Variants in PCDHGA2 observed in about 807,000 individuals in gnomAD.
PCDHGA2 encodes protocadherin gamma-A2.
A neutral mutation model predicts 59.2 loss-of-function variants in PCDHGA2; 40 were observed. That is an observed-to-expected ratio of 0.68 (90% confidence interval 0.52 to 0.88). The LOEUF (loss-of-function observed/expected upper bound fraction) is 0.88, where lower values mean the gene tolerates loss of function less well. PCDHGA2 is among the 40% of genes least tolerant of loss of function. The probability of loss-of-function intolerance (pLI) is 0.00; values close to 1 mark genes in which losing one functional copy is unlikely to be tolerated. For missense variants in PCDHGA2, 1,226 were observed against 1,204.0 expected, an observed-to-expected ratio of 1.02 and a Z score of -0.27; for synonymous variants, 560 against 526.0, an observed-to-expected ratio of 1.06 and a Z score of -0.89.
intron 3 of PCDHGA2, among the ~76,000 whole-genome samples, chr5:141,506,799 A>G (rs1026030023): frequency 5.3e-5 from 8 of 152,198 alleles, no homozygotes; most frequent in Admixed American, 3.9e-4. Flanking sequence ...CTGGCAGAGG[A>G]TCAAGGCATT....
chr5:141,360,321 A>C lies in PCDHGA2; in HGVS notation c.2424+18926A>C, dbSNP rs777240773. 6 of 1,614,004 alleles carry C rather than the reference A, an allele frequency of 3.7e-6. No individual in the cohort carries two copies. In the Admixed American group the frequency reaches 8.3e-5, roughly 22 times the overall value. On this transcript the variant is annotated intron_variant, in intron 1 of 3. Coordinates refer to ENST00000394576, the MANE Select transcript of PCDHGA2 (RefSeq NM_018915.4). ...TGGGGCTCAGCGTCCGGGACTTGCC[A>C]GCCCGGAAGCTGCGGGTTAGCGCGG...
At chr5:141,377,627 T>A (rs893549240) in intron 1 of PCDHGA2, 5 of 152,084 alleles carry the variant, frequency 3.3e-5, no homozygotes, top group African/African-American at 9.7e-5. Context: ...AAGATTTTGT[T>A]TTTTCTCAGT....
At chr5:141,454,283 T>G (rs2098785864) in intron 1 of PCDHGA2, among the ~76,000 whole-genome samples, 1 of 152,134 alleles carries the variant, frequency 6.6e-6, no homozygotes, top group Non-Finnish European at 1.5e-5. Flanking sequence ...AACTTCACAT[T>G]AAAGGAACTC....
intron 1 of PCDHGA2, chr5:141,419,707 C>T (rs781629810): frequency 4.6e-5 from 74 of 1,613,062 alleles, no homozygotes; most frequent in Middle Eastern, 1.7e-4. Flanking sequence ...AGCCCGGGCT[C>T]TTCAGCCTGG....
rs186288044 is a variant in PCDHGA2, at chr5:141,433,652, A to G, written c.2425-61155A>G. On this transcript the variant is annotated intron_variant, in intron 1 of 3. Transcript: ENST00000394576. ...GGAGTTTGAGACCAGCCTGACCAAC[A>G]TGGAGAAACCCCGTCTATACTAAAA... is the stretch of plus-strand genomic sequence containing the variant. 1.0e-2 allele frequency among the ~76,000 whole-genome samples: 1,520 copies of G among 152,208 alleles called. 33 individuals are homozygous for G. The highest frequency in any genetic ancestry group is 0.034 in the African/African-American group (1,423 of 41,538).
Position 141,362,248 on chromosome 5 carries a change from C to T in PCDHGA2, c.2424+20853C>T, listed in dbSNP as rs1019484860. ...GGCCTTGATCTCAGTGCTCTTCTTC[C>T]TCGCGGTGATTCTGGCAATCTCCCT... On this transcript the variant is annotated intron_variant, in intron 1 of 3. Transcript: ENST00000394576. 6.8e-6 allele frequency: 11 copies of T among 1,613,922 alleles called. No homozygotes were observed. The Admixed American group carries it at 1.3e-4, about 20-fold the overall frequency.
chr5:141,370,506 C>T (rs1435099354), intron 1 of PCDHGA2: 1 of 1,613,912 alleles, frequency 6.2e-7, no homozygotes, highest in South Asian at 1.1e-5. Context: ...CTACGCTATT[C>T]CCGAGGAGCT....
At chr5:141,366,718 G>A (rs772444465) in intron 1 of PCDHGA2, 26 of 1,613,638 alleles carry the variant, frequency 1.6e-5, no homozygotes, top group Admixed American at 3.3e-5. Context: ...TGTCTGATAA[G>A]GTAGATGCAA....
chr5:141,422,166 T>G (rs370704205), intron 1 of PCDHGA2: 30 of 1,569,256 alleles, frequency 1.9e-5, no homozygotes, highest in Non-Finnish European at 2.5e-5. Flanking sequence ...TTGAAAAATA[T>G]AGATTCTATG....
chr5:141,460,467 AG>A (rs1303418429), intron 1 of PCDHGA2, among the ~76,000 whole-genome samples: 1 of 152,114 alleles, frequency 6.6e-6, no homozygotes, highest in African/African-American at 2.4e-5. Flanking sequence ...TTTTTTCCAA[AG>A]GAATATCCAA....
chr5:141,340,974 T>A lies in PCDHGA2; in HGVS notation c.2003T>A (p.Ile668Asn). Reference sequence around the variant, plus strand: ...CTCACCGTGGCCGTGGCCGACAGGATCCCCGACATCCTGGCCGACCTGGGC... The same window carrying A: ...CTCACCGTGGCCGTGGCCGACAGGAACCCCGACATCCTGGCCGACCTGGGC... Reference protein sequence around the residue: ...VTLTVAVADRIPDILADLGSL... With the variant: ...VTLTVAVADRNPDILADLGSL... Residue 668 changes from isoleucine (I) to asparagine (N), a missense_variant, in exon 1 of 4, where the codon ATC becomes AAC. Ile to Asn is a moderately radical substitution (Grantham distance 149). Coordinates refer to ENST00000394576, the MANE Select transcript of PCDHGA2 (RefSeq NM_018915.4). The A allele has an allele frequency of 2.5e-6, 4 of 1,613,762 alleles. No homozygotes were observed. In the South Asian group the frequency reaches 3.3e-5, roughly 13 times the overall value.
chr5:141,379,418 GA>G (rs1208942827), intron 1 of PCDHGA2: 1 of 152,186 alleles, frequency 6.6e-6, no homozygotes, highest in African/African-American at 2.4e-5. Context: ...TTAGTCTCAT[GA>G]GTTAGATGGG....
At chr5:141,345,020 A>C (rs1047192133) in intron 1 of PCDHGA2, 2 of 1,613,994 alleles carry the variant, frequency 1.2e-6, no homozygotes, top group Admixed American at 3.3e-5. Flanking sequence ...GTCTTCTTTC[A>C]AGAGCCAAGA....
rs568314069 is a variant in PCDHGA2 at position 141,486,371 on chromosome 5, G to C, written c.2425-8436G>C. 53 of 1,614,138 alleles carry C rather than the reference G, an allele frequency of 3.3e-5. 2 individuals are homozygous for C. The South Asian group carries it at 5.3e-4, about 16-fold the overall frequency. Reference sequence around the variant, plus strand: ...CCACTTGCCATTTGCCCTCAAGTCTGCCTTCAGGAACCAGTTCTCCCTGGT... The same window carrying C: ...CCACTTGCCATTTGCCCTCAAGTCTCCCTTCAGGAACCAGTTCTCCCTGGT... On this transcript the variant is annotated intron_variant, in intron 1 of 3. Transcript: ENST00000394576. The surrounding 1 kb of genome is among the most constrained non-coding windows in gnomAD (Gnocchi z 5.0).
At chr5:141,465,730 T>G (rs1373873081) in intron 1 of PCDHGA2, among the ~76,000 whole-genome samples, 2 of 152,186 alleles carry the variant, frequency 1.3e-5, no homozygotes, top group Non-Finnish European at 2.9e-5. Context: ...CCTCTTGTGC[T>G]TTGTTTTCAG....
Position 141,489,646 on chromosome 5 carries a change from C to G in PCDHGA2, c.2425-5161C>G, listed in dbSNP as rs1274955075. The G allele has an allele frequency of 1.2e-6, 2 of 1,614,186 alleles. No individual in the cohort carries two copies. Among genetic ancestry groups the G allele is most frequent in the Non-Finnish European group, 1.7e-6 (2 of 1,180,022 alleles). ...TGACAACTCTCCTAGCTTTGCCACC[C>G]CTGAGCGAGAGATGCGCATCTCAGA... On this transcript the variant is annotated intron_variant, in intron 1 of 3. Coordinates refer to ENST00000394576, the MANE Select transcript of PCDHGA2 (RefSeq NM_018915.4). The surrounding 1 kb of genome is among the most constrained non-coding windows in gnomAD (Gnocchi z 4.5).
chr5:141,398,888 A>G (rs2093720509), intron 1 of PCDHGA2: 2 of 1,613,968 alleles, frequency 1.2e-6, no homozygotes, highest in East Asian at 4.5e-5. Context: ...CTTCGGGAAA[A>G]CGTGCCACCA....
chr5:141,403,358 G>A (rs1031210052), intron 1 of PCDHGA2: 1 of 1,614,026 alleles, frequency 6.2e-7, no homozygotes. Flanking sequence ...GTTCCAGGCC[G>A]AAAGTCTGGA....
At chr5:141,374,195 G>A in intron 1 of PCDHGA2, 1 of 1,613,870 alleles carries the variant, frequency 6.2e-7, no homozygotes, top group Non-Finnish European at 8.5e-7. Context: ...TATTCCCGAG[G>A]AGCTGGAGAA....
Sources: gnomAD v4.1 joint callset for allele counts (sites outside exome capture counted in the v4.1 genomes callset) on GRCh38, gnomAD v4.1.1 for gene constraint, Gnocchi (gnomAD v3.1) non-coding constraint, MANE v1.5 for transcripts, NCBI Gene and HGNC (gene_info 2026-07-23, HGNC 2026-07-21) for gene names.